Variants in CPA6 observed in about 807,000 individuals in gnomAD.
CPA6 encodes carboxypeptidase A6, also known as carboxypeptidase B.
A neutral mutation model predicts 63.3 loss-of-function variants in CPA6; 58 were observed. The ratio of observed to expected loss-of-function variants is 0.92; its 90% CI spans 0.74 to 1.14. The LOEUF (loss-of-function observed/expected upper bound fraction) is 1.14, where lower values mean the gene tolerates loss of function less well. Among genes scored for constraint, CPA6 ranks in the 50% most tolerant of loss-of-function variants. CPA6 has a pLI of 0.00. For missense variants in CPA6, 565 were observed against 526.6 expected (o/e 1.07, Z -0.71); for synonymous variants, 185 against 179.0 (o/e 1.03, Z -0.27).
Position 67,431,984 on chromosome 8 carries a change from G to A in CPA6, c.1041+2054C>T, listed in dbSNP as rs191954878. 1.2e-3 allele frequency among the ~76,000 whole-genome samples: 189 copies of A among 152,252 alleles called. 1 individual carries two copies. The highest frequency in any genetic ancestry group is 4.4e-3 in the African/African-American group (183 of 41,554). On this transcript the variant is annotated intron_variant, in intron 9 of 10. Transcript: ENST00000297770. ...TCTCTTTAATAAAATTTTAAATTCA[G>A]GTATAACATTGTGGTATAATAAAAA...
intron 1 of CPA6, among the ~76,000 whole-genome samples, chr8:67,636,662 A>G (rs756705686): frequency 6.6e-6 from 1 of 151,494 alleles, no homozygotes; most frequent in African/African-American, 2.5e-5. Flanking sequence ...CATATTCTCA[A>G]GGAAAACAGG....
At chr8:67,728,133 CAAACAAAACA>C (rs71253025) in intron 1 of CPA6, among the ~76,000 whole-genome samples, 29 of 147,704 alleles carry the variant, frequency 2.0e-4, no homozygotes, top group East Asian at 4.0e-4. Flanking sequence ...CAACAAAAAA[CAAACAAAACA>C]AAACAAAACA....
chr8:67,708,374 T>C (rs1384603225), intron 1 of CPA6, among the ~76,000 whole-genome samples: 1 of 152,202 alleles, frequency 6.6e-6, no homozygotes, highest in Non-Finnish European at 1.5e-5. Flanking sequence ...AGAACAATTG[T>C]ATACCTTTTA....
intron 1 of CPA6, among the ~76,000 whole-genome samples, chr8:67,659,843 G>C (rs1816069646): frequency 1.3e-5 from 2 of 152,122 alleles, no homozygotes; most frequent in East Asian, 3.9e-4. Flanking sequence ...AAGATGCAAA[G>C]CACATTTTAT....
At chr8:67,462,060 C>A (rs1241975037) in intron 8 of CPA6, among the ~76,000 whole-genome samples, 2 of 151,480 alleles carry the variant, frequency 1.3e-5, no homozygotes, top group African/African-American at 4.9e-5. Flanking sequence ...TTTTGAATGG[C>A]CAATGGACAT....
chr8:67,735,904 C>G (rs1817803593), intron 1 of CPA6, among the ~76,000 whole-genome samples: 1 of 152,122 alleles, frequency 6.6e-6, no homozygotes, highest in African/African-American at 2.4e-5. Flanking sequence ...CTTCCCTCCC[C>G]TCTCCCTCCA....
chr8:67,737,191 C>T (rs991841127), intron 1 of CPA6, among the ~76,000 whole-genome samples: 5 of 152,174 alleles, frequency 3.3e-5, no homozygotes, highest in Admixed American at 2.0e-4. Context: ...CTGCAGCCTT[C>T]CCTCCCGCCT....
intron 2 of CPA6, among the ~76,000 whole-genome samples, chr8:67,538,639 G>C (rs1183101051): frequency 6.7e-6 from 1 of 149,746 alleles, no homozygotes; most frequent in African/African-American, 2.5e-5. Flanking sequence ...AATGGGTCTT[G>C]AGTCTTTATC....
At chr8:67,467,867 A>T (rs1810962644) in intron 8 of CPA6, among the ~76,000 whole-genome samples, 1 of 149,060 alleles carries the variant, frequency 6.7e-6, no homozygotes, top group Admixed American at 6.7e-5. Flanking sequence ...AGCCTGGGCG[A>T]CAAGAGCGAA....
At chr8:67,665,505 A>G (rs1306662438) in intron 1 of CPA6, among the ~76,000 whole-genome samples, 3 of 152,190 alleles carry the variant, frequency 2.0e-5, no homozygotes, top group Non-Finnish European at 4.4e-5. Flanking sequence ...GGGCATAACT[A>G]TTCTGAAAAT....
At chr8:67,585,304 G>T (rs1238839203) in intron 2 of CPA6, among the ~76,000 whole-genome samples, 1 of 152,092 alleles carries the variant, frequency 6.6e-6, no homozygotes, top group Non-Finnish European at 1.5e-5. Flanking sequence ...ACATAATTTG[G>T]GTATGAACTT....
At chr8:67,426,248 C>T (rs958846535) in intron 10 of CPA6, among the ~76,000 whole-genome samples, 2 of 152,174 alleles carry the variant, frequency 1.3e-5, no homozygotes, top group East Asian at 3.9e-4. Context: ...GGATTGCAGG[C>T]GTGAGCCGCC....
At chr8:67,647,936 G>A (rs536454418) in intron 1 of CPA6, among the ~76,000 whole-genome samples, 67 of 152,198 alleles carry the variant, frequency 4.4e-4, no homozygotes, top group African/African-American at 1.5e-3. Flanking sequence ...AAGAAGTAGG[G>A]TATAGAAGCA....
intron 1 of CPA6, chr8:67,732,532 G>T (rs1284233644): frequency 6.6e-6 from 1 of 152,234 alleles, no homozygotes; most frequent in Non-Finnish European, 1.5e-5. Flanking sequence ...TTTCCTGAAA[G>T]ATAGGACATC....
intron 2 of CPA6, among the ~76,000 whole-genome samples, chr8:67,606,772 A>C (rs1397536743): frequency 6.6e-6 from 1 of 152,160 alleles, no homozygotes; most frequent in African/African-American, 2.4e-5. Context: ...GGTTTTCTCT[A>C]GGAGGTTCTC....
chr8:67,589,023 T>C (rs1420195628), intron 2 of CPA6, among the ~76,000 whole-genome samples: 1 of 151,152 alleles, frequency 6.6e-6, no homozygotes, highest in African/African-American at 2.4e-5. Flanking sequence ...GAGGCTGAGG[T>C]AGGAGGATCA....
intron 1 of CPA6, among the ~76,000 whole-genome samples, chr8:67,705,060 A>C (rs1041748582): frequency 6.6e-5 from 10 of 152,202 alleles, no homozygotes; most frequent in African/African-American, 2.2e-4. Context: ...CTGTTTTACA[A>C]GCCCTCCAGC....
intron 2 of CPA6, among the ~76,000 whole-genome samples, chr8:67,617,918 G>A (rs76402618): frequency 0.05 from 7,171 of 143,586 alleles, 370 homozygotes; most frequent in African/African-American, 0.13. Context: ...GGCAGTTCAC[G>A]GCATGGCTGT....
intron 1 of CPA6, among the ~76,000 whole-genome samples, chr8:67,641,183 G>A (rs1815584895): frequency 6.6e-6 from 1 of 151,786 alleles, no homozygotes; most frequent in African/African-American, 2.4e-5. Flanking sequence ...TGCCATTACA[G>A]AGTGAACCTA....
Sources: gnomAD v4.1 joint callset for allele counts (sites outside exome capture counted in the v4.1 genomes callset) on GRCh38, gnomAD v4.1.1 for gene constraint, MANE v1.5 for transcripts, NCBI Gene and HGNC (gene_info 2026-07-23, HGNC 2026-07-21) for gene names.